VPS13D: variants seen among roughly 807,000 people sequenced by gnomAD.
The protein encoded by VPS13D is intermembrane lipid transfer protein VPS13D.
A neutral mutation model predicts 461.9 loss-of-function variants in VPS13D; 187 were observed. The ratio of observed to expected loss-of-function variants is 0.40; its 90% CI spans 0.36 to 0.46. The LOEUF (loss-of-function observed/expected upper bound fraction) is 0.46, where lower values mean the gene tolerates loss of function less well. Ranked by LOEUF, VPS13D falls within the 20% of genes least tolerant of loss-of-function variation. The probability of loss-of-function intolerance (pLI) is 0.60; values close to 1 mark genes in which losing one functional copy is unlikely to be tolerated. For missense variants in VPS13D, 4,711 were observed against 5,364.9 expected (o/e 0.88, Z 3.81); for synonymous variants, 1,951 against 1,986.3 (o/e 0.98, Z 0.47).
Position 12,400,246 on chromosome 1 carries a change from G to C in VPS13D, c.11700G>C (p.Glu3900Asp), listed in dbSNP as rs547190700. 4 of 1,614,040 alleles carry C rather than the reference G, an allele frequency of 2.5e-6. No individual in the cohort carries two copies. The highest frequency in any genetic ancestry group is 3.4e-6 in the Non-Finnish European group (4 of 1,180,050). The change falls in exon 61 of 70, where the codon GAG (glutamate) becomes GAC (aspartate). Residue 3900 changes from glutamate to aspartate, a missense_variant. Transcript: ENST00000620676. The stretch of plus-strand genomic sequence containing the variant: ...TCTATGTGACTCCCCTGAGCAATGA[G>C]AATGAGGTCATCGAGACCGGCCCAG... Reference protein sequence around the residue: ...FMLYVTPLSNENEVIETGPAV... With the variant: ...FMLYVTPLSNDNEVIETGPAV...
chr1:12,457,476 T>C (rs1374824321), intron 66 of VPS13D, among the ~76,000 whole-genome samples: 1 of 152,206 alleles, frequency 6.6e-6, no homozygotes, highest in East Asian at 1.9e-4. Flanking sequence ...AGGACCACTT[T>C]GCATTCACCT....
Position 12,277,581 on chromosome 1 carries a change from C to T in VPS13D, c.3993C>T (p.Thr1331=), listed in dbSNP as rs1164414853. The T allele has an allele frequency of 6.2e-7, 1 of 1,613,918 alleles. No individual in the cohort carries two copies. The highest frequency in any genetic ancestry group is 8.5e-7 in the Non-Finnish European group (1 of 1,180,020). The change falls in exon 19 of 70, where the codon ACC becomes ACT. Residue 1331 remains threonine, a synonymous_variant. Transcript: ENST00000620676. ...AATKVTTVLA[T]KTAEYSEMVS... is the part of the protein sequence containing the mutation. ...CCAAAGTCACCACAGTACTAGCTAC[C>T]AAGACTGCCGAGTATAGCGAGATGG...
In VPS13D at chr1:12,256,319, C is replaced by G; in HGVS notation, c.670-14C>G. 1 of 1,612,080 alleles carries G rather than the reference C, an allele frequency of 6.2e-7. No homozygotes were observed. Among genetic ancestry groups the G allele is most frequent in the Non-Finnish European group, 8.5e-7 (1 of 1,179,430 alleles). On this transcript the variant is annotated splice_polypyrimidine_tract_variant and intron_variant, in intron 7 of 69. Coordinates refer to ENST00000620676, the MANE Select transcript of VPS13D (RefSeq NM_015378.4). Reference sequence around the variant, plus strand: ...AGCCATTCGGAGCAGAGCAGGTGTTCTTGTGACACACAGGAGGCCATGGCC... The same window carrying G: ...AGCCATTCGGAGCAGAGCAGGTGTTGTTGTGACACACAGGAGGCCATGGCC...
Position 12,244,421 on chromosome 1 carries a change from G to A in VPS13D, c.351G>A (p.Leu117=), listed in dbSNP as rs1251643158. The A allele has an allele frequency of 6.2e-7, 1 of 1,614,018 alleles. No homozygotes were observed. The highest frequency in any genetic ancestry group is 1.3e-5 in the African/African-American group (1 of 74,900). Residue 117 remains leucine, a synonymous_variant, in exon 4 of 70, where the codon CTG becomes CTA. Transcript: ENST00000620676. ...RERKKALLQA[L]EEKWKNDRQQ... ...GTAAGAAAGCACTACTTCAAGCCCT[G>A]GAGGAGAAATGGAAGGCAAGGCAGA... is the stretch of plus-strand genomic sequence containing the variant.
intron 38 of VPS13D, among the ~76,000 whole-genome samples, chr1:12,335,230 A>T (rs1334213622): frequency 6.6e-6 from 1 of 152,114 alleles, no homozygotes; most frequent in Non-Finnish European, 1.5e-5. Flanking sequence ...CCACGCCTAC[A>T]TAAGTTTTGT....
Position 12,321,866 on chromosome 1 carries a change from G to A in VPS13D, c.7606G>A (p.Val2536Ile), listed in dbSNP as rs536200462. 5 of 1,612,908 alleles carry A rather than the reference G, an allele frequency of 3.1e-6. No individual in the cohort carries two copies. Among genetic ancestry groups the A allele is most frequent in the Admixed American group, 1.7e-5 (1 of 59,830 alleles). ...TACAGCTCTTTCAATTGTGGATCCC[G>A]TACAAATTCAAATGGAGTTGGTGGG... ...HDTALSIVDP[V>I]QIQMELVGNS... Residue 2536 changes from valine (V) to isoleucine (I), a missense_variant, in exon 33 of 70, where the codon GTA becomes ATA. Around this residue, in one of 3 missense-constraint regions of VPS13D, gnomAD observed 4,411 missense variants for 4,937.8 expected, o/e 0.89. Coordinates refer to ENST00000620676, the MANE Select transcript of VPS13D (RefSeq NM_015378.4).
chr1:12,373,790 G>A lies in VPS13D; in HGVS notation c.10849G>A (p.Ala3617Thr). 6.3e-7 allele frequency: 1 copy of A among 1,594,874 alleles called. No individual in the cohort carries two copies. Among genetic ancestry groups the A allele is most frequent in the Non-Finnish European group, 8.5e-7 (1 of 1,171,342 alleles). ...AGGCAGGCCTGTGGCTTCCAACAAG[G>A]CCATTACCTGTGCGGAGCTCGTTTT... ...GTGRPVASNKAITCAELVLDV... is the reference protein window; with the variant it reads ...GTGRPVASNKTITCAELVLDV... Residue 3617 changes from alanine to threonine, a missense_variant, in exon 55 of 70, where the codon GCC becomes ACC. Ala to Thr is a moderately conservative substitution (Grantham distance 58). Around this residue, in one of 3 missense-constraint regions of VPS13D, gnomAD observed 4,411 missense variants for 4,937.8 expected, o/e 0.89. Coordinates refer to ENST00000620676, the MANE Select transcript of VPS13D (RefSeq NM_015378.4).
At chr1:12,408,576 G>T (rs1396059629) in intron 63 of VPS13D, among the ~76,000 whole-genome samples, 3 of 152,160 alleles carry the variant, frequency 2.0e-5, no homozygotes, top group Non-Finnish European at 4.4e-5. Context: ...TGTTGCCCAG[G>T]CTGGTCTCAA....
intron 35 of VPS13D, among the ~76,000 whole-genome samples, chr1:12,326,087 A>G (rs1009208854): frequency 5.3e-5 from 8 of 151,474 alleles, no homozygotes; most frequent in African/African-American, 1.7e-4. Flanking sequence ...TTATGTGTGA[A>G]AAGGCTTGTT....
intron 34 of VPS13D, among the ~76,000 whole-genome samples, chr1:12,323,170 A>AGCTAT: frequency 6.6e-6 from 1 of 152,236 alleles, no homozygotes. Flanking sequence ...CCTGGGCCCA[A>AGCTAT]GCTATCTTCA....
rs772757546 is a variant in VPS13D at position 12,232,637 on chromosome 1, CTTTTTTT to C, written c.-76-1535_-76-1529del. On this transcript the variant is annotated intron_variant, in intron 1 of 69. Transcript: ENST00000620676. Reference sequence around the variant, plus strand: ...GACTTTTTGTAATACTAAAATTAGTCTTTTTTTTTTTTTTTTTTTTTTTTTGGTAATA... The same window carrying C: ...GACTTTTTGTAATACTAAAATTAGTCTTTTTTTTTTTTTTTTTTGGTAATA... Among the ~76,000 whole-genome samples, 239 of 71,032 alleles carry C rather than the reference CTTTTTTT, an allele frequency of 3.4e-3. No homozygotes were observed. The East Asian group carries it at 0.078, about 23-fold the overall frequency. 46.6% of individuals were successfully genotyped at this position (71,032 alleles called of 152,430 possible).
intron 13 of VPS13D, among the ~76,000 whole-genome samples, chr1:12,264,233 C>G (rs970604171): frequency 1.3e-5 from 2 of 152,168 alleles, no homozygotes; most frequent in African/African-American, 4.8e-5. Flanking sequence ...TCCCTATTAC[C>G]TGAGACACAA....
At chr1:12,297,676 C>G (rs1642313242) in intron 24 of VPS13D, among the ~76,000 whole-genome samples, 1 of 152,168 alleles carries the variant, frequency 6.6e-6, no homozygotes, top group Non-Finnish European at 1.5e-5. Flanking sequence ...ATCCTTATAA[C>G]AACCCTGTTT....
intron 67 of VPS13D, among the ~76,000 whole-genome samples, chr1:12,480,591 G>A (rs547466940): frequency 6.6e-6 from 1 of 152,176 alleles, no homozygotes; most frequent in Non-Finnish European, 1.5e-5. Flanking sequence ...GCAAACGTTG[G>A]TACTGGCTGA....
intron 26 of VPS13D, among the ~76,000 whole-genome samples, chr1:12,306,533 T>A (rs1466866370): frequency 6.6e-6 from 1 of 152,164 alleles, no homozygotes; most frequent in African/African-American, 2.4e-5. Flanking sequence ...AAGAAGTGAT[T>A]TGGGATGTTT....
intron 30 of VPS13D, among the ~76,000 whole-genome samples, chr1:12,317,623 T>C (rs990139878): frequency 1.3e-5 from 2 of 151,960 alleles, no homozygotes; most frequent in African/African-American, 4.8e-5. Context: ...CCCACATCTG[T>C]AATCCTAGCA....
chr1:12,436,485 A>C (rs988426041), intron 65 of VPS13D, among the ~76,000 whole-genome samples: 2 of 152,130 alleles, frequency 1.3e-5, no homozygotes, highest in Non-Finnish European at 2.9e-5. Context: ...CCTAGTGGGG[A>C]AAGACTGGCT....
intron 27 of VPS13D, among the ~76,000 whole-genome samples, chr1:12,310,233 C>T (rs2101492592): frequency 6.6e-6 from 1 of 151,434 alleles, no homozygotes; most frequent in Middle Eastern, 3.4e-3. Flanking sequence ...CAGTCTCACA[C>T]TGCACACACA....
At chr1:12,453,541 C>CAG (rs1249194806) in intron 65 of VPS13D, among the ~76,000 whole-genome samples, 1 of 152,144 alleles carries the variant, frequency 6.6e-6, no homozygotes, top group Non-Finnish European at 1.5e-5. Flanking sequence ...TCTGGGGCAC[C>CAG]AGAGAGACAC....
Sources: allele counts gnomAD v4.1 joint callset (sites outside exome capture counted in the v4.1 genomes callset), GRCh38; gene constraint gnomAD v4.1.1; regional missense constraint gnomAD v4.1.1; transcripts MANE v1.5; gene names NCBI Gene and HGNC (gene_info 2026-07-23, HGNC 2026-07-21).